The following ZNF124 variants were observed in gnomAD, a reference collection of about 807,000 sequenced individuals.
ZNF124 encodes the protein zinc finger protein 124.
ZNF124 carries 25 observed loss-of-function variants against 26.6 expected under a neutral mutation model. The observed-to-expected ratio is 0.94, with a 90% CI of 0.68 to 1.31. ZNF124 has a LOEUF of 1.31. Ranked by LOEUF, ZNF124 falls within the 40% of genes most tolerant of loss-of-function variation. The probability of loss-of-function intolerance (pLI) is 0.00; values close to 1 mark genes in which losing one functional copy is unlikely to be tolerated. For synonymous variants in ZNF124, 129 were observed against 133.3 expected (o/e 0.97, Z 0.22); for missense variants, 444 against 422.2 (o/e 1.05, Z -0.45).
In ZNF124 at chr1:247,156,999, C is replaced by CA; in HGVS notation, c.622dup (p.Cys208LeufsTer2). 1.9e-6 allele frequency: 3 copies of CA among 1,614,048 alleles called. No homozygotes were observed. The highest frequency in any genetic ancestry group is 2.5e-6 in the Non-Finnish European group (3 of 1,179,986). Reference sequence around the variant, plus strand: ...ACGGAAGGCTTTCCCACAGTGCTTACATTCATAGGGTTTCTCTCCAGTATG... The same window carrying CA: ...ACGGAAGGCTTTCCCACAGTGCTTACAATTCATAGGGTTTCTCTCCAGTATG... On this transcript the variant is annotated frameshift_variant, in exon 4 of 4. Transcript: ENST00000543802. LOFTEE classifies it high-confidence loss of function.
chr1:247,152,460 C>T (rs1672973850), downstream of ZNF124, among the ~76,000 whole-genome samples: 1 of 151,834 alleles, frequency 6.6e-6, no homozygotes, highest in Non-Finnish European at 1.5e-5. Flanking sequence ...CAAATATATC[C>T]ATTATAATAT....
At chr1:247,130,951 CTG>C (rs1187446576) in intron 3 of ZNF124, among the ~76,000 whole-genome samples, 6 of 152,198 alleles carry the variant, frequency 3.9e-5, no homozygotes, top group Non-Finnish European at 8.8e-5. Context: ...TGGCGTATGC[CTG>C]TAATCCCAGC....
intron 1 of ZNF124, among the ~76,000 whole-genome samples, chr1:247,170,494 C>G (rs548041130): frequency 6.8e-6 from 1 of 147,976 alleles, no homozygotes; most frequent in East Asian, 2.0e-4. Flanking sequence ...AACCAGTACC[C>G]TTGTGGAAAT....
In ZNF124 at chr1:247,155,972, T is replaced by C. The variant is rs1673108492; in HGVS notation, c.*594A>G. On this transcript the variant is annotated 3_prime_UTR_variant, in exon 4 of 4. Coordinates refer to ENST00000543802, the MANE Select transcript of ZNF124 (RefSeq NM_001297568.2). The stretch of plus-strand genomic sequence containing the variant: ...GCAACCAATATATTCAATTTATTTA[T>C]AGCTCCTAAAACATCTCATTCACAT... The C allele has an allele frequency of 2.1e-6, 2 of 939,488 alleles. No homozygotes were observed. The highest frequency in any genetic ancestry group is 4.9e-5 in the South Asian group (1 of 20,278). The allele number at this position is 939,488 out of a possible 1,614,324, so 58.2% of individuals were successfully genotyped here. A position where few individuals can be genotyped will look rare whatever the true frequency, so the allele number is the denominator to read the frequency against.
intron 3 of ZNF124, among the ~76,000 whole-genome samples, chr1:247,140,202 T>C (rs549011504): frequency 6.6e-6 from 1 of 152,346 alleles, no homozygotes; most frequent in Admixed American, 6.5e-5. Flanking sequence ...CTTTTTAATT[T>C]TTCTGACTGT....
intron 1 of ZNF124, among the ~76,000 whole-genome samples, chr1:247,165,326 G>A (rs966945889): frequency 6.6e-6 from 1 of 152,090 alleles, no homozygotes; most frequent in African/African-American, 2.4e-5. Context: ...CTTCCTATTC[G>A]ATAAATGGTG....
chr1:247,124,040 G>C (rs971004750), intron 3 of ZNF124, among the ~76,000 whole-genome samples: 2 of 151,396 alleles, frequency 1.3e-5, no homozygotes, highest in Admixed American at 6.6e-5. Flanking sequence ...GTGTTAGCCA[G>C]GATGGTCTTG....
chr1:247,127,506 G>GA (rs1266082384), intron 3 of ZNF124, among the ~76,000 whole-genome samples: 2 of 118,898 alleles, frequency 1.7e-5, no homozygotes, highest in Admixed American at 1.0e-4. Context: ...TCCAAAGAAA[G>GA]AAGAAGTAAA....
At chr1:247,125,674 C>CCCGCCTTGGCCTCCCAAA (rs1402772635) in intron 3 of ZNF124, among the ~76,000 whole-genome samples, 2 of 151,046 alleles carry the variant, frequency 1.3e-5, no homozygotes, top group East Asian at 1.9e-4. Context: ...TCGTGATCGG[C>CCCGCCTTGGCCTCCCAAA]GCCGGCGCCG....
chr1:247,131,862 G>C (rs952088454), intron 3 of ZNF124, among the ~76,000 whole-genome samples: 1 of 152,202 alleles, frequency 6.6e-6, no homozygotes, highest in Admixed American at 6.5e-5. Context: ...TAGTTCTGAG[G>C]AATCTTGGCA....
chr1:247,126,016 C>T (rs1000720164), intron 3 of ZNF124, among the ~76,000 whole-genome samples: 1 of 143,778 alleles, frequency 7.0e-6, no homozygotes, highest in East Asian at 2.0e-4. Context: ...ATAATTCCAG[C>T]ACTTTGGGAG....
At chr1:247,149,527 TAA>T (rs1672871576) in intron 3 of ZNF124, among the ~76,000 whole-genome samples, 1 of 152,154 alleles carries the variant, frequency 6.6e-6, no homozygotes, top group Admixed American at 6.5e-5. Flanking sequence ...TAAAAAAGAA[TAA>T]AGTCATTTGT....
chr1:247,169,176 C>T (rs980298275), intron 1 of ZNF124, among the ~76,000 whole-genome samples: 2 of 152,038 alleles, frequency 1.3e-5, no homozygotes, highest in African/African-American at 4.8e-5. Context: ...CAAAGCTTTG[C>T]AAGAGGACAG....
chr1:247,136,670 G>C (rs1274286018), intron 3 of ZNF124, among the ~76,000 whole-genome samples: 2 of 152,164 alleles, frequency 1.3e-5, no homozygotes, highest in Non-Finnish European at 2.9e-5. Flanking sequence ...AAATTGGCCA[G>C]GCACAGTGGC....
At position 247,156,680 on chromosome 1, in the gene ZNF124, T is replaced by C; in HGVS notation, c.942A>G (p.Gly314=). 1 of 1,613,598 alleles carries C rather than the reference T, an allele frequency of 6.2e-7. No individual in the cohort carries two copies. The highest frequency in any genetic ancestry group is 1.1e-5 in the South Asian group (1 of 90,984). ...ATTTCTGACATTCATAGGGTTTCTC[T>C]CCAGTATGAGTCCTTTCATGGTCAC... ...SLRDHERTHT[G]EKPYECQKCG... The change falls in exon 4 of 4, where the codon GGA becomes GGG. Residue 314 remains glycine (G), a synonymous_variant. Coordinates refer to ENST00000543802, the MANE Select transcript of ZNF124 (RefSeq NM_001297568.2).
rs1450996422 is a variant in ZNF124, at chr1:247,156,177, T to TC, written c.*388dup. ...GGTGGGCATTCTTTTATTTATAAGG[T>TC]CAATCTGGAGTATGTGTTACCATGT... On this transcript the variant is annotated 3_prime_UTR_variant, in exon 4 of 4. Coordinates refer to ENST00000543802, the MANE Select transcript of ZNF124 (RefSeq NM_001297568.2). The TC allele has an allele frequency of 6.0e-6, 6 of 993,806 alleles. No individual in the cohort carries two copies. The highest frequency in any genetic ancestry group is 7.2e-6 in the Non-Finnish European group (6 of 836,144). 61.6% of individuals were successfully genotyped at this position (993,806 alleles called of 1,614,324 possible).
intron 3 of ZNF124, among the ~76,000 whole-genome samples, chr1:247,145,293 CACA>C (rs1434019196): frequency 5.3e-5 from 8 of 152,126 alleles, no homozygotes; most frequent in African/African-American, 1.9e-4. Context: ...TGATAAAAGA[CACA>C]ACGTTGTCAG....
At chr1:247,145,489 C>A (rs7531763) in intron 3 of ZNF124, among the ~76,000 whole-genome samples, 1 of 151,876 alleles carries the variant, frequency 6.6e-6, no homozygotes, top group South Asian at 2.1e-4. Context: ...GCCTCCCACA[C>A]TGTGAGACAA....
At chr1:247,139,549 GTTA>G (rs1168148215) in intron 3 of ZNF124, among the ~76,000 whole-genome samples, 1 of 152,144 alleles carries the variant, frequency 6.6e-6, no homozygotes, top group Non-Finnish European at 1.5e-5. Context: ...TTGTTAGCTG[GTTA>G]TTATGCTGAC....
Sources: gnomAD v4.1 joint callset for allele counts (sites outside exome capture counted in the v4.1 genomes callset) on GRCh38, gnomAD v4.1.1 for gene constraint, MANE v1.5 for transcripts, NCBI Gene and HGNC (gene_info 2026-07-23, HGNC 2026-07-21) for gene names.